Variants in EYS observed in about 807,000 individuals in gnomAD.
The protein encoded by EYS is EGF-like photoreceptor maintenance factor, also known as protein eyes shut homolog.
EYS carries 250 observed loss-of-function variants against 282.1 expected under a neutral mutation model. The observed-to-expected ratio is 0.89, with a 90% CI of 0.80 to 0.98. EYS has a LOEUF of 0.98. Among genes scored for constraint, EYS ranks in the 50% least tolerant of loss-of-function variants. The probability of loss-of-function intolerance (pLI) is 0.00; values close to 1 mark genes in which losing one functional copy is unlikely to be tolerated. For missense variants in EYS, 4,016 were observed against 3,709.0 expected, an observed-to-expected ratio of 1.08 and a Z score of -2.15; for synonymous variants, 1,355 against 1,282.9, an observed-to-expected ratio of 1.06 and a Z score of -1.20.
chr6:63,834,072 A>C (rs1397960956), intron 36 of EYS, among the ~76,000 whole-genome samples: 2 of 152,220 alleles, frequency 1.3e-5, no homozygotes, highest in Non-Finnish European at 2.9e-5. Flanking sequence ...AGATGGATTA[A>C]AGACTTAAAT....
intron 5 of EYS, among the ~76,000 whole-genome samples, chr6:65,446,831 C>T (rs9363360): frequency 0.19 from 28,040 of 151,446 alleles, 3,237 homozygotes; most frequent in Middle Eastern, 0.3. Context: ...TAAAATATTA[C>T]AAGCAAATTT....
intron 42 of EYS, among the ~76,000 whole-genome samples, chr6:63,726,244 C>T (rs1328599363): frequency 1.3e-5 from 2 of 152,114 alleles, no homozygotes; most frequent in Non-Finnish European, 2.9e-5. Context: ...ATAGTACTAT[C>T]GTGCATGGCT....
chr6:65,050,289 A>G (rs1773231484), intron 13 of EYS, among the ~76,000 whole-genome samples: 1 of 151,738 alleles, frequency 6.6e-6, no homozygotes, highest in African/African-American at 2.4e-5. Context: ...TTTAATCACC[A>G]GGAAGAAGAA....
At position 65,463,044 on chromosome 6, in the gene EYS, C is replaced by G. The variant is rs966890788; in HGVS notation, c.862+27550G>C. 2.6e-5 allele frequency among the ~76,000 whole-genome samples: 4 copies of G among 151,952 alleles called. No homozygotes were observed. In the East Asian group the frequency reaches 7.7e-4, roughly 29 times the overall value. ...CTTCTATTCCTGCCCTCATCTCTGC[C>G]GTATTTCCCTCTCACCACAGCAGTC... On this transcript the variant is annotated intron_variant, in intron 5 of 42. Coordinates refer to ENST00000503581, the MANE Select transcript of EYS (RefSeq NM_001142800.2).
intron 28 of EYS, among the ~76,000 whole-genome samples, chr6:64,390,051 C>G (rs913084980): frequency 6.6e-6 from 1 of 151,576 alleles, no homozygotes; most frequent in African/African-American, 2.4e-5. Context: ...CACCCGAATA[C>G]TGCGCTTTTC....
At chr6:63,776,022 A>C (rs1770055720) in intron 40 of EYS, among the ~76,000 whole-genome samples, 1 of 152,076 alleles carries the variant, frequency 6.6e-6, no homozygotes, top group Non-Finnish European at 1.5e-5. Context: ...TGATAAGAAA[A>C]ATTTTTAGAA....
intron 11 of EYS, among the ~76,000 whole-genome samples, chr6:65,326,886 A>G (rs1189555986): frequency 6.6e-6 from 1 of 151,640 alleles, no homozygotes; most frequent in Non-Finnish European, 1.5e-5. Context: ...ATTTCTTACA[A>G]AGATTTGTCA....
intron 6 of EYS, among the ~76,000 whole-genome samples, chr6:65,402,865 T>C (rs996171824): frequency 1.3e-5 from 2 of 152,088 alleles, no homozygotes; most frequent in Admixed American, 6.6e-5. Flanking sequence ...GTAAGCAAGA[T>C]TGTGATCATG....
intron 29 of EYS, among the ~76,000 whole-genome samples, chr6:64,364,207 A>G (rs967185194): frequency 5.9e-5 from 9 of 151,888 alleles, no homozygotes; most frequent in African/African-American, 2.2e-4. Context: ...AAGACCAAGA[A>G]ACAGACTTAT....
chr6:64,245,754 A>T (rs910373213), intron 30 of EYS, among the ~76,000 whole-genome samples: 10 of 152,162 alleles, frequency 6.6e-5, no homozygotes, highest in Non-Finnish European at 1.0e-4. Flanking sequence ...ATAAGCCATT[A>T]CTCCAAAGAG....
At chr6:64,028,869 C>T (rs1241771193) in intron 33 of EYS, among the ~76,000 whole-genome samples, 1 of 152,202 alleles carries the variant, frequency 6.6e-6, no homozygotes, top group Non-Finnish European at 1.5e-5. Context: ...AAAGGCCCAG[C>T]TTTGCCTACA....
At chr6:64,726,011 A>C (rs1292308192) in intron 22 of EYS, among the ~76,000 whole-genome samples, 1 of 152,168 alleles carries the variant, frequency 6.6e-6, no homozygotes, top group African/African-American at 2.4e-5. Context: ...TGAACACTTA[A>C]TGTTACAGGT....
At chr6:65,632,439 T>G (rs537459159) in intron 2 of EYS, among the ~76,000 whole-genome samples, 1 of 152,324 alleles carries the variant, frequency 6.6e-6, no homozygotes, top group African/African-American at 2.4e-5. Context: ...AAATCCGCAC[T>G]TATACTCACT....
intron 5 of EYS, among the ~76,000 whole-genome samples, chr6:65,408,366 A>G (rs536872772): frequency 4.6e-5 from 7 of 152,150 alleles, no homozygotes; most frequent in Non-Finnish European, 7.4e-5. Context: ...TTAAGAGATT[A>G]GTGCCAGTTA....
intron 30 of EYS, among the ~76,000 whole-genome samples, chr6:64,259,650 G>GCGCGCA (rs140354088): frequency 0.01 from 1,457 of 145,700 alleles, 13 homozygotes; most frequent in Non-Finnish European, 0.014. Flanking sequence ...TTACACACGC[G>GCGCGCA]CACACACACA....
At chr6:64,876,116 A>G (rs1766743721) in intron 19 of EYS, among the ~76,000 whole-genome samples, 1 of 152,062 alleles carries the variant, frequency 6.6e-6, no homozygotes, top group African/African-American at 2.4e-5. Context: ...ACTATAAAGA[A>G]CAATTTTACT....
At chr6:65,472,240 T>C (rs974550192) in intron 5 of EYS, among the ~76,000 whole-genome samples, 1 of 152,104 alleles carries the variant, frequency 6.6e-6, no homozygotes, top group African/African-American at 2.4e-5. Flanking sequence ...TAACAAAATA[T>C]TTTGTAAGTC....
At position 64,034,382 on chromosome 6, in the gene EYS, C is replaced by T. The variant is rs145041583; in HGVS notation, c.6725+31956G>A. On this transcript the variant is annotated intron_variant, in intron 33 of 42. Coordinates refer to ENST00000503581, the MANE Select transcript of EYS (RefSeq NM_001142800.2). ...TCCAGATGTAGGCAATGTTATCTTA[C>T]GGTATTTATTTTACAGATAAGGTAA... Among the ~76,000 whole-genome samples, 37 of 152,232 alleles carry T rather than the reference C, an allele frequency of 2.4e-4. 2 individuals carry two copies. In the South Asian group the frequency reaches 5.4e-3, roughly 22 times the overall value.
chr6:64,410,823 C>A (rs982514235), intron 28 of EYS, among the ~76,000 whole-genome samples: 1 of 152,152 alleles, frequency 6.6e-6, no homozygotes, highest in African/African-American at 2.4e-5. Flanking sequence ...CTCTCACCTA[C>A]TATGATGATA....
Sources: allele counts gnomAD v4.1 joint callset (sites outside exome capture counted in the v4.1 genomes callset), GRCh38; gene constraint gnomAD v4.1.1; transcripts MANE v1.5; gene names NCBI Gene and HGNC (gene_info 2026-07-23, HGNC 2026-07-21).